MGAT5: variants seen among roughly 807,000 people sequenced by gnomAD.
The protein encoded by MGAT5 is alpha-1,6-mannosylglycoprotein 6-beta-N-acetylglucosaminyltransferase A.
A neutral mutation model predicts 94.3 loss-of-function variants in MGAT5; 30 were observed. The ratio of observed to expected loss-of-function variants is 0.32; its 90% CI spans 0.24 to 0.43. The LOEUF (loss-of-function observed/expected upper bound fraction) is 0.43, where lower values mean the gene tolerates loss of function less well. MGAT5 is among the 20% of genes least tolerant of loss of function. The pLI, the probability that MGAT5 is intolerant of heterozygous loss-of-function variation, is 1.00. For missense variants in MGAT5, 691 were observed against 905.5 expected (o/e 0.76, Z 3.04); for synonymous variants, 310 against 322.9 (o/e 0.96, Z 0.43).
intron 8 of MGAT5, among the ~76,000 whole-genome samples, chr2:134,345,714 T>C (rs1319826576): frequency 6.6e-6 from 1 of 152,236 alleles, no homozygotes; most frequent in Non-Finnish European, 1.5e-5. Flanking sequence ...TTCAATTTTC[T>C]TTCAGTCTTT....
At chr2:134,201,417 C>T (rs1415222968) in intron 1 of MGAT5, among the ~76,000 whole-genome samples, 2 of 152,018 alleles carry the variant, frequency 1.3e-5, no homozygotes, top group African/African-American at 4.8e-5. Flanking sequence ...ATTTAAAAAG[C>T]CTTTTTCTTT....
intron 4 of MGAT5, among the ~76,000 whole-genome samples, chr2:134,332,002 G>T (rs1427615578): frequency 6.6e-6 from 1 of 151,434 alleles, no homozygotes; most frequent in Admixed American, 6.6e-5. Flanking sequence ...CATGAAAATG[G>T]CCGTACTGCC....
chr2:134,306,281 G>A (rs1413573558), intron 2 of MGAT5, among the ~76,000 whole-genome samples: 1 of 147,378 alleles, frequency 6.8e-6, no homozygotes, highest in Admixed American at 6.8e-5. Flanking sequence ...AATACATGCA[G>A]AGTTTTGCAT....
Position 134,338,340 on chromosome 2 carries a change from CG to C in MGAT5, c.729del (p.Arg244GlufsTer34). On this transcript the variant is annotated frameshift_variant, in exon 6 of 16. Transcript: ENST00000281923. LOFTEE classifies it high-confidence loss of function. ...ATTCCGGTGGATGAGACTACGGATC[CG>C]GCGAATGGCTGACGCATGGATCCAA... ...EEFRWMRLRI[R>X]RMADAWIQAI... 2 of 1,612,962 alleles carry C rather than the reference CG, an allele frequency of 1.2e-6. No homozygotes were observed. The highest frequency in any genetic ancestry group is 1.7e-6 in the Non-Finnish European group (2 of 1,179,422).
At chr2:134,131,572 A>ATTTTTTTTTTTTTT (rs10617178) in intron 1 of MGAT5, among the ~76,000 whole-genome samples, 1 of 85,230 alleles carries the variant, frequency 1.2e-5, no homozygotes, top group African/African-American at 4.1e-5. Flanking sequence ...TGGTAGATTG[A>ATTTTTTTTTTTTTT]TTTTTTTTTT....
chr2:134,425,696 A>G (rs1684544317), intron 13 of MGAT5, among the ~76,000 whole-genome samples: 1 of 152,118 alleles, frequency 6.6e-6, no homozygotes, highest in Non-Finnish European at 1.5e-5. Flanking sequence ...GCTGATCTCT[A>G]AAAGCAATTG....
At chr2:134,287,885 A>G (rs1259649708) in intron 2 of MGAT5, among the ~76,000 whole-genome samples, 3 of 152,238 alleles carry the variant, frequency 2.0e-5, no homozygotes, top group Non-Finnish European at 1.5e-5. Flanking sequence ...CCTGTCTTAC[A>G]TCCTCTGTGT....
chr2:134,174,118 G>A (rs965108851), intron 1 of MGAT5, among the ~76,000 whole-genome samples: 7 of 152,244 alleles, frequency 4.6e-5, no homozygotes, highest in Admixed American at 4.6e-4. Context: ...CACAGAGCCT[G>A]TGATAAGAGG....
chr2:134,343,691 C>G (rs1378114279), intron 7 of MGAT5, among the ~76,000 whole-genome samples: 1 of 152,114 alleles, frequency 6.6e-6, no homozygotes, highest in Non-Finnish European at 1.5e-5. Context: ...ATTATACAGA[C>G]AAGTTTGGGA....
rs764948566 is a variant in MGAT5, at chr2:134,341,637, T to A, written c.855T>A (p.Ile285=). ...TGACCAAGGAATCTGGATTTAAGAT[T>A]GCAGAGACAGCTTTCAGTGGTGGCC... ...GLLTKESGFK[I]AETAFSGGPL... Residue 285 remains isoleucine, a synonymous_variant, in exon 7 of 16, where the codon ATT becomes ATA. Coordinates refer to ENST00000281923, the MANE Select transcript of MGAT5 (RefSeq NM_002410.5). 1.1e-5 allele frequency: 17 copies of A among 1,613,596 alleles called. 1 individual carries two copies. The South Asian group carries it at 1.8e-4, about 17-fold the overall frequency.
Position 134,254,392 on chromosome 2 carries a change from T to G in MGAT5, c.-12T>G. 1.6e-5 allele frequency: 26 copies of G among 1,613,992 alleles called. No homozygotes were observed. The highest frequency in any genetic ancestry group is 2.1e-5 in the Non-Finnish European group (25 of 1,179,944). On this transcript the variant is annotated 5_prime_UTR_variant, in exon 1 of 16. Coordinates refer to ENST00000281923, the MANE Select transcript of MGAT5 (RefSeq NM_002410.5). ...GTTAAGAGCCAAGGACAGGTGAAGTTGCCAGAGAGCAATGGCTCTCTTCAC... is the reference window on the plus strand; with the variant it reads ...GTTAAGAGCCAAGGACAGGTGAAGTGGCCAGAGAGCAATGGCTCTCTTCAC...
chr2:134,373,257 C>T (rs1680934764), intron 10 of MGAT5, among the ~76,000 whole-genome samples: 1 of 152,244 alleles, frequency 6.6e-6, no homozygotes, highest in Non-Finnish European at 1.5e-5. Context: ...GAGGCAGCGT[C>T]TCACATAGTG....
intron 1 of MGAT5, among the ~76,000 whole-genome samples, chr2:134,229,752 A>G (rs1302157260): frequency 6.6e-6 from 1 of 152,196 alleles, no homozygotes; most frequent in Non-Finnish European, 1.5e-5. Context: ...AATGGGAGAA[A>G]ATATTTGCAA....
chr2:134,255,096 C>T (rs1682853249), intron 1 of MGAT5, among the ~76,000 whole-genome samples: 1 of 152,190 alleles, frequency 6.6e-6, no homozygotes, highest in South Asian at 2.1e-4. Context: ...TTCCTCCCTC[C>T]AGCCAATAAA....
At chr2:134,276,489 A>G (rs1036026720) in intron 2 of MGAT5, among the ~76,000 whole-genome samples, 16 of 152,224 alleles carry the variant, frequency 1.1e-4, no homozygotes. Flanking sequence ...GATATGAGAG[A>G]GTAAATTAAA....
intron 10 of MGAT5, among the ~76,000 whole-genome samples, chr2:134,381,091 A>G (rs1189253236): frequency 6.6e-6 from 1 of 151,928 alleles, no homozygotes; most frequent in African/African-American, 2.4e-5. Context: ...AGCCCATGCA[A>G]TCATTTGTGG....
At chr2:134,346,563 G>T (rs949663705) in intron 8 of MGAT5, among the ~76,000 whole-genome samples, 1 of 152,032 alleles carries the variant, frequency 6.6e-6, no homozygotes, top group South Asian at 2.1e-4. Context: ...ATTAGAAATT[G>T]TCAGGGAAAA....
intron 1 of MGAT5, among the ~76,000 whole-genome samples, chr2:134,158,951 A>G (rs1687605087): frequency 6.6e-6 from 1 of 152,212 alleles, no homozygotes. Flanking sequence ...TAGACTATAA[A>G]TGTAAAATAC....
At chr2:134,315,881 A>G (rs1413559307) in intron 2 of MGAT5, among the ~76,000 whole-genome samples, 1 of 152,152 alleles carries the variant, frequency 6.6e-6, no homozygotes, top group Non-Finnish European at 1.5e-5. Context: ...TACTTGAATC[A>G]AGAGGTCAAG....
Sources: gnomAD v4.1 joint callset for allele counts (sites outside exome capture counted in the v4.1 genomes callset) on GRCh38, gnomAD v4.1.1 for gene constraint, MANE v1.5 for transcripts, NCBI Gene and HGNC (gene_info 2026-07-23, HGNC 2026-07-21) for gene names.